FKRP: variants seen among roughly 807,000 people sequenced by gnomAD.
FKRP encodes ribitol 5-phosphate transferase FKRP.
Under a neutral mutation model 30.6 loss-of-function variants are expected in FKRP, and 25 were observed. The ratio of observed to expected loss-of-function variants is 0.82; its 90% CI spans 0.60 to 1.14. The LOEUF (loss-of-function observed/expected upper bound fraction) is 1.14, where lower values mean the gene tolerates loss of function less well. Among genes scored for constraint, FKRP ranks in the 50% most tolerant of loss-of-function variants. The probability of loss-of-function intolerance (pLI) is 0.00; values close to 1 mark genes in which losing one functional copy is unlikely to be tolerated. For synonymous variants in FKRP, 358 were observed against 342.5 expected (o/e 1.05, Z -0.50); for missense variants, 771 against 727.8 (o/e 1.06, Z -0.68).
chr19:46,750,242 A>G (rs1029193202), intron 3 of FKRP, among the ~76,000 whole-genome samples: 3 of 152,274 alleles, frequency 2.0e-5, no homozygotes, highest in African/African-American at 7.2e-5. Flanking sequence ...GCATGGCTTT[A>G]TCAGGGTACT....
rs568014119 is a variant in FKRP, at chr19:46,746,094, A to AGGCCG, written c.-253+22_-253+26dup. ...ATGGCGGCGGCGGCGGCAGCGGGTG[A>AGGCCG]GGCCGGGCCGGGCCGGGCCGGGTTG... On this transcript the variant is annotated splice_donor_region_variant and intron_variant, in intron 1 of 3. Transcript: ENST00000318584. The AGGCCG allele has an allele frequency of 0.12, 144,107 of 1,242,240 alleles. 8,217 individuals are homozygous for AGGCCG. The highest frequency in any genetic ancestry group is 0.13 in the Non-Finnish European group (126,241 of 984,340). 77.0% of individuals were successfully genotyped at this position (1,242,240 alleles called of 1,614,324 possible). A position where few individuals can be genotyped will look rare whatever the true frequency, so the allele number is the denominator to read the frequency against.
intron 3 of FKRP, among the ~76,000 whole-genome samples, chr19:46,752,521 TGAAG>T (rs1036803953): frequency 2.6e-5 from 4 of 152,022 alleles, no homozygotes; most frequent in African/African-American, 9.7e-5. Flanking sequence ...GTTGAAGGAT[TGAAG>T]GAAGGAAGAA....
In FKRP at chr19:46,755,702, C is replaced by T. The variant is rs1171443074; in HGVS notation, c.252C>T (p.Asp84=). 6.3e-7 allele frequency: 1 copy of T among 1,580,640 alleles called. No homozygotes were observed. The highest frequency in any genetic ancestry group is 2.3e-5 in the East Asian group (1 of 43,412). Residue 84 remains aspartate, a synonymous_variant, in exon 4 of 4, where the codon GAC becomes GAT. Transcript: ENST00000318584. The part of the protein sequence containing the change: ...DPAQPVVVAA[D]TLPYPPLALP... ...CCCAGCCCGTGGTGGTGGCAGCCGA[C>T]ACGCTCCCCTACCCGCCCCTGGCCC... is the stretch of plus-strand genomic sequence containing the variant.
At chr19:46,748,267 TC>T (rs1418341491) in intron 2 of FKRP, among the ~76,000 whole-genome samples, 179 bp downstream of exon 2, 1 of 152,064 alleles carries the variant, frequency 6.6e-6, no homozygotes, top group Non-Finnish European at 1.5e-5. Flanking sequence ...AACCTCCACC[TC>T]CCTGGTTCAA....
intron 3 of FKRP, chr19:46,753,825 C>T (rs1029882163): frequency 1.5e-4 from 23 of 151,932 alleles, no homozygotes; most frequent in African/African-American, 5.6e-4. Flanking sequence ...TTGGATGCCC[C>T]CTCTCTCTAG....
chr19:46,756,524 A>C lies in FKRP; in HGVS notation c.1074A>C (p.Pro358=). The C allele has an allele frequency of 6.3e-7, 1 of 1,595,774 alleles. No individual in the cohort carries two copies. Among genetic ancestry groups the C allele is most frequent in the Non-Finnish European group, 8.5e-7 (1 of 1,173,194 alleles). The change falls in exon 4 of 4, where the codon CCA becomes CCC. Residue 358 remains proline (P), a synonymous_variant. Transcript: ENST00000318584. The surrounding 1 kb of genome is among the most constrained non-coding windows in gnomAD (Gnocchi z 6.6). ...CCGCCCGCCACGGGGACATCATCCC[A>C]TGGGACTACGACGTGGACCTGGGCA... ...LGAARHGDII[P]WDYDVDLGIY...
intron 1 of FKRP, 135 bp downstream of exon 1, chr19:46,746,225 A>C: frequency 6.5e-7 from 1 of 1,532,368 alleles, no homozygotes; most frequent in South Asian, 1.2e-5. Context: ...GATAAAGTGC[A>C]GGATCCCCGG....
At chr19:46,755,292 C>T (rs954605555) in intron 3 of FKRP, 120 bp from the exon 4 acceptor site, 2 of 713,204 alleles carry the variant, frequency 2.8e-6, no homozygotes, top group African/African-American at 3.7e-5. Flanking sequence ...AAAGCTGAAA[C>T]CAAATAGGGA....
chr19:46,755,526 T>C lies in FKRP; in HGVS notation c.76T>C (p.Trp26Arg). Residue 26 changes from tryptophan (W) to arginine (R), a missense_variant, in exon 4 of 4, where the codon TGG becomes CGG. By Grantham distance (101) the Trp-to-Arg change is moderately radical. Coordinates refer to ENST00000318584, the MANE Select transcript of FKRP (RefSeq NM_024301.5). ...CCTTCTGGTCCTCTTCTATGTCTCG[T>C]GGCTGCAGCACCAGCCTAGGAATTC... ...LNLLVLFYVS[W>R]LQHQPRNSRA... is the part of the protein sequence containing the mutation. 6.2e-7 allele frequency: 1 copy of C among 1,610,240 alleles called. No individual in the cohort carries two copies. The highest frequency in any genetic ancestry group is 8.5e-7 in the Non-Finnish European group (1 of 1,178,682).
chr19:46,746,497 C>A, intron 1 of FKRP: 4 of 845,198 alleles, frequency 4.7e-6, no homozygotes, highest in Non-Finnish European at 5.7e-6. Context: ...GCCAACACCC[C>A]CCCCCCTCCC....
At chr19:46,749,723 CAAAAAAAA>C (rs1175374378) in intron 3 of FKRP, among the ~76,000 whole-genome samples, 2 of 62,464 alleles carry the variant, frequency 3.2e-5, no homozygotes, top group African/African-American at 1.1e-4. Flanking sequence ...GACTCCGTCT[CAAAAAAAA>C]AAAAAAAAAA....
In FKRP at chr19:46,757,237, G is replaced by T. The variant is rs1302132281; in HGVS notation, c.*299G>T. The T allele has an allele frequency of 3.8e-6, 2 of 527,936 alleles. No individual in the cohort carries two copies. Among genetic ancestry groups the T allele is most frequent in the East Asian group, 3.5e-5 (1 of 28,252 alleles). The allele number at this position is 527,936 out of a possible 1,614,324, so 32.7% of individuals were successfully genotyped here. A position where few individuals can be genotyped will look rare whatever the true frequency, so the allele number is the denominator to read the frequency against. On this transcript the variant is annotated 3_prime_UTR_variant, in exon 4 of 4. Transcript: ENST00000318584. ...GGAGACGGGGATGTCACGCCGTCCC[G>T]CAGGGCCCAGCACAGCCCCAGACCC...
In FKRP at chr19:46,756,188, C is replaced by T. The variant is rs2054915819; in HGVS notation, c.738C>T (p.Pro246=). ...LDLTFAAARQ[P]PLATAHARWK... is the part of the protein sequence containing the mutation. The stretch of plus-strand genomic sequence containing the variant: ...TGACCTTCGCCGCGGCGCGCCAGCC[C>T]CCGCTGGCCACGGCCCACGCGCGCT... Residue 246 remains proline (P), a synonymous_variant, in exon 4 of 4, where the codon CCC becomes CCT. Coordinates refer to ENST00000318584, the MANE Select transcript of FKRP (RefSeq NM_024301.5). The surrounding 1 kb of genome is among the most constrained non-coding windows in gnomAD (Gnocchi z 6.6). The T allele has an allele frequency of 1.4e-6, 2 of 1,437,540 alleles. No homozygotes were observed. The highest frequency in any genetic ancestry group is 1.8e-6 in the Non-Finnish European group (2 of 1,101,436). 89.0% of individuals were successfully genotyped at this position (1,437,540 alleles called of 1,614,324 possible).
rs2054919311 is a variant in FKRP, at chr19:46,756,271, T to C, written c.821T>C (p.Ile274Thr). The stretch of plus-strand genomic sequence containing the variant: ...GCGGCGCTGCTCCGCGCGCTGGGCA[T>C]CCGCCTAGTGAGCTGGGAAGGCGGG... ...RRAALLRALGIRLVSWEGGRL... is the reference protein window; with the variant it reads ...RRAALLRALGTRLVSWEGGRL... Residue 274 changes from isoleucine to threonine, a missense_variant, in exon 4 of 4, where the codon ATC (isoleucine) becomes ACC (threonine). By Grantham distance (89) the Ile-to-Thr change is moderately conservative. Coordinates refer to ENST00000318584, the MANE Select transcript of FKRP (RefSeq NM_024301.5). This position sits in a 1 kb window ranked among gnomAD's most constrained non-coding sequence, Gnocchi z 6.6. 1.3e-6 allele frequency: 2 copies of C among 1,507,970 alleles called. No individual in the cohort carries two copies. The highest frequency in any genetic ancestry group is 1.4e-5 in the African/African-American group (1 of 72,020). 93.4% of individuals were successfully genotyped at this position (1,507,970 alleles called of 1,614,324 possible).
rs770845177 is a variant in FKRP, at chr19:46,756,827, G to C, written c.1377G>C (p.Ala459=). The change falls in exon 4 of 4, where the codon GCG becomes GCC. Residue 459 remains alanine, a synonymous_variant. Coordinates refer to ENST00000318584, the MANE Select transcript of FKRP (RefSeq NM_024301.5). The surrounding 1 kb of genome is among the most constrained non-coding windows in gnomAD (Gnocchi z 6.6). ...LVPLPFAGFV[A]QAPNNYRRFL... is the part of the protein sequence containing the mutation. Reference sequence around the variant, plus strand: ...CCCTGCCCTTTGCCGGCTTCGTGGCGCAGGCGCCTAACAACTACCGCCGCT... The same window carrying C: ...CCCTGCCCTTTGCCGGCTTCGTGGCCCAGGCGCCTAACAACTACCGCCGCT... The C allele has an allele frequency of 1.1e-5, 17 of 1,599,006 alleles. No homozygotes were observed. The South Asian group carries it at 1.8e-4, about 17-fold the overall frequency.
rs398124395 is a variant in FKRP, at chr19:46,756,391, C to A, written c.941C>A (p.Thr314Lys). 1 of 1,566,832 alleles carries A rather than the reference C, an allele frequency of 6.4e-7. No homozygotes were observed. Among genetic ancestry groups the A allele is most frequent in the Admixed American group, 1.9e-5 (1 of 52,444 alleles). ...TPAYLYEERW[T>K]PPCCLRALRE... ...GCCTACCTCTACGAGGAGCGCTGGA[C>A]GCCCCCCTGCTGCCTGCGCGCGCTG... Residue 314 changes from threonine to lysine, a missense_variant, in exon 4 of 4, where the codon ACG becomes AAG. Physicochemically the swap from Thr to Lys is moderately conservative, Grantham distance 78. Coordinates refer to ENST00000318584, the MANE Select transcript of FKRP (RefSeq NM_024301.5). The surrounding 1 kb of genome is among the most constrained non-coding windows in gnomAD (Gnocchi z 6.6).
chr19:46,744,915 G>A (rs931268177), upstream of FKRP, among the ~76,000 whole-genome samples: 5 of 151,874 alleles, frequency 3.3e-5, no homozygotes, highest in African/African-American at 1.2e-4. Flanking sequence ...GACGCTCCAC[G>A]AGGTCACAAA....
intron 1 of FKRP, 146 bp downstream of exon 1, chr19:46,746,236 C>A (rs2054604880): frequency 3.9e-6 from 6 of 1,522,166 alleles, no homozygotes; most frequent in African/African-American, 1.4e-5. Flanking sequence ...GGATCCCCGG[C>A]AGGCTCAGGG....
chr19:46,758,371 A>C lies in FKRP; in HGVS notation c.*1433A>C, dbSNP rs934386180. On this transcript the variant is annotated 3_prime_UTR_variant, in exon 4 of 4. Transcript: ENST00000318584. ...TTCCTTATTTGATTATGCACCTAAGAATAAATGGTATTTGGGCATGTATTC... is the reference window on the plus strand; with the variant it reads ...TTCCTTATTTGATTATGCACCTAAGCATAAATGGTATTTGGGCATGTATTC... 1.2e-5 allele frequency: 2 copies of C among 167,056 alleles called. No homozygotes were observed. Among genetic ancestry groups the C allele is most frequent in the Admixed American group, 6.5e-5 (1 of 15,280 alleles). 10.3% of individuals were successfully genotyped at this position (167,056 alleles called of 1,614,324 possible). A position where few individuals can be genotyped will look rare whatever the true frequency, so the allele number is the denominator to read the frequency against.
Sources: gnomAD v4.1 joint callset for allele counts (sites outside exome capture counted in the v4.1 genomes callset) on GRCh38, gnomAD v4.1.1 for gene constraint, Gnocchi (gnomAD v3.1) non-coding constraint, MANE v1.5 for transcripts, NCBI Gene and HGNC (gene_info 2026-07-23, HGNC 2026-07-21) for gene names.